Variants in PIK3R6 observed in about 807,000 individuals in gnomAD.
PIK3R6 encodes the protein phosphoinositide 3-kinase regulatory subunit 6.
In PIK3R6, 91 loss-of-function variants were observed where a neutral mutation model predicts 84.9. That is an observed-to-expected ratio of 1.07 (90% CI 0.90 to 1.28). PIK3R6 has a LOEUF of 1.28. Among genes scored for constraint, PIK3R6 ranks in the 50% most tolerant of loss-of-function variants. The pLI is 0.00. For missense variants in PIK3R6, 996 were observed against 985.1 expected (o/e 1.01, Z -0.15); for synonymous variants, 416 against 411.4 (o/e 1.01, Z -0.13).
chr17:8,814,233 T>G lies in PIK3R6; in HGVS notation c.1995+4850A>C, dbSNP rs945647010. On this transcript the variant is annotated intron_variant, in intron 18 of 19. Coordinates refer to ENST00000619866, the MANE Select transcript of PIK3R6 (RefSeq NM_001010855.4). ...GAGAGATCTTTTTTTTTTTTTTTTT[T>G]TTTTGAGACAGAGTCTTACCCTGTT... Among the ~76,000 whole-genome samples, 208 of 146,782 alleles carry G rather than the reference T, an allele frequency of 1.4e-3. 5 individuals are homozygous for G. The highest frequency in any genetic ancestry group is 5.1e-3 in the African/African-American group (198 of 38,532).
rs185435281 is a variant in PIK3R6 at position 8,854,916 on chromosome 17, G to A, written c.-91-5031C>T. Among the ~76,000 whole-genome samples, 803 of 152,272 alleles carry A rather than the reference G, an allele frequency of 5.3e-3. 4 individuals carry two copies. The highest frequency in any genetic ancestry group is 0.021 in the South Asian group (102 of 4,824). ...CTTTAACAAAATGAAAAAACGGGCCGGGCACAGTGGCTCACACCTGTAATC... is the reference window on the plus strand; with the variant it reads ...CTTTAACAAAATGAAAAAACGGGCCAGGCACAGTGGCTCACACCTGTAATC... On this transcript the variant is annotated intron_variant, in intron 1 of 19. Coordinates refer to ENST00000619866, the MANE Select transcript of PIK3R6 (RefSeq NM_001010855.4).
At chr17:8,835,207 A>G in intron 8 of PIK3R6, 66 bp downstream of exon 8, 1 of 1,341,992 alleles carries the variant, frequency 7.5e-7, no homozygotes, top group Non-Finnish European at 9.8e-7. Flanking sequence ...AGCAGGGTGA[A>G]TGACTGGTAT....
At chr17:8,821,978 A>G in intron 16 of PIK3R6, 42 bp from the exon 17 acceptor site, 2 of 1,477,366 alleles carry the variant, frequency 1.4e-6, no homozygotes, top group East Asian at 2.5e-5. Flanking sequence ...TGCTCAGGAC[A>G]TACCCTTTCC....
At chr17:8,838,412 T>C (rs2088556183) in intron 4 of PIK3R6, 152 bp downstream of exon 4, 3 of 609,630 alleles carry the variant, frequency 4.9e-6, no homozygotes, top group Non-Finnish European at 8.6e-6. Context: ...AAATACTGCT[T>C]ACGTAAAAGT....
intron 2 of PIK3R6, among the ~76,000 whole-genome samples, chr17:8,843,774 A>G (rs558198996): frequency 1.3e-5 from 2 of 152,212 alleles, no homozygotes; most frequent in South Asian, 4.2e-4. Flanking sequence ...TGTGACAATC[A>G]TAGGGGGTGG....
chr17:8,849,409 C>G (rs546484754), intron 2 of PIK3R6, among the ~76,000 whole-genome samples: 1 of 152,342 alleles, frequency 6.6e-6, no homozygotes, highest in South Asian at 2.1e-4. Context: ...GTAATAATAC[C>G]TGTCTTAGGA....
At chr17:8,849,971 T>C in intron 1 of PIK3R6, 86 bp from the exon 2 acceptor site, 1 of 713,518 alleles carries the variant, frequency 1.4e-6, no homozygotes, top group South Asian at 2.4e-5. Flanking sequence ...CTAAGGGACC[T>C]AGGCTTCTAG....
In PIK3R6 at chr17:8,864,512, C is replaced by T. The variant is rs573208099; in HGVS notation, c.-92+3017G>A. 6.0e-5 allele frequency among the ~76,000 whole-genome samples: 9 copies of T among 150,048 alleles called. No individual in the cohort carries two copies. In the East Asian group the frequency reaches 1.8e-3, roughly 29 times the overall value. ...CTAACAGATCCTTCTAACTTATAAC[C>T]CAGGTCCTTCACAGCTCTTTTTTTT... is the stretch of plus-strand genomic sequence containing the variant. On this transcript the variant is annotated intron_variant, in intron 1 of 19. Coordinates refer to ENST00000619866, the MANE Select transcript of PIK3R6 (RefSeq NM_001010855.4).
chr17:8,827,983 G>T, intron 12 of PIK3R6, 129 bp downstream of exon 12: 1 of 943,700 alleles, frequency 1.1e-6, no homozygotes, highest in Non-Finnish European at 1.6e-6. Context: ...CCTCTCTCCC[G>T]CCTCCACATT....
chr17:8,803,017 T>G lies in PIK3R6; in HGVS notation c.*256A>C. The G allele has an allele frequency of 2.1e-6, 1 of 478,740 alleles. No homozygotes were observed. Among genetic ancestry groups the G allele is most frequent in the Non-Finnish European group, 3.7e-6 (1 of 267,756 alleles). The allele number at this position is 478,740 out of a possible 1,614,324, so 29.7% of individuals were successfully genotyped here. Reference sequence around the variant, plus strand: ...TTGAAGCTAAATGAAGGAGTAGACATTTGTATGAGAAGCTGGGCTTGGTGT... The same window carrying G: ...TTGAAGCTAAATGAAGGAGTAGACAGTTGTATGAGAAGCTGGGCTTGGTGT... On this transcript the variant is annotated 3_prime_UTR_variant, in exon 20 of 20. Coordinates refer to ENST00000619866, the MANE Select transcript of PIK3R6 (RefSeq NM_001010855.4). This position sits in a 1 kb window ranked among gnomAD's most constrained non-coding sequence, Gnocchi z 5.0.
chr17:8,836,950 GAGAGGGAGGAGGTGGAGGTA>G (rs752588182), intron 5 of PIK3R6, 27 bp from the exon 6 acceptor site: 12 of 1,485,728 alleles, frequency 8.1e-6, no homozygotes, highest in African/African-American at 2.8e-5. Flanking sequence ...AGGGGGAGGT[GAGAGGGAGGAGGTGGAGGTA>G]AGAGGGAGGA....
In PIK3R6 at chr17:8,833,019, G is replaced by C; in HGVS notation, c.672C>G (p.His224Gln). The C allele has an allele frequency of 1.9e-6, 3 of 1,605,910 alleles. No homozygotes were observed. Among genetic ancestry groups the C allele is most frequent in the Non-Finnish European group, 1.7e-6 (2 of 1,177,986 alleles). Residue 224 changes from histidine to glutamine, a missense_variant, in exon 9 of 20, where the codon CAC (histidine) becomes CAG (glutamine). Transcript: ENST00000619866. ...AGGCGGCCACCACGGCGTGGAAATAGTGCTCCAGGGTGCGGCGAGGGCTGG... is the reference window on the plus strand; with the variant it reads ...AGGCGGCCACCACGGCGTGGAAATACTGCTCCAGGGTGCGGCGAGGGCTGG... ...LQASPRRTLEHYFHAVVAALE... is the reference protein window; with the variant it reads ...LQASPRRTLEQYFHAVVAALE...
At chr17:8,833,184 G>T in intron 8 of PIK3R6, 139 bp from the exon 9 acceptor site, 1 of 1,249,980 alleles carries the variant, frequency 8.0e-7, no homozygotes, top group Non-Finnish European at 1.1e-6. Flanking sequence ...AGCTTCCCCC[G>T]AAGGCTTCTG....
chr17:8,834,845 T>G (rs1388587122), intron 8 of PIK3R6, among the ~76,000 whole-genome samples: 1 of 104,842 alleles, frequency 9.5e-6, no homozygotes. Context: ...TTATTATTGG[T>G]TTTTTTTTTG....
At chr17:8,827,345 C>T in intron 12 of PIK3R6, 51 bp from the exon 13 acceptor site, 1 of 1,533,760 alleles carries the variant, frequency 6.5e-7, no homozygotes, top group Non-Finnish European at 8.8e-7. Flanking sequence ...TCCAGCTCTG[C>T]CTTCCAGCTG....
intron 7 of PIK3R6, among the ~76,000 whole-genome samples, chr17:8,836,259 C>G (rs554628724): frequency 6.6e-6 from 1 of 152,268 alleles, no homozygotes; most frequent in South Asian, 2.1e-4. Context: ...ATGACAGAGC[C>G]CCAGAGTGGC....
intron 10 of PIK3R6, 85 bp downstream of exon 10, chr17:8,829,621 T>C (rs1006093902): frequency 4.6e-6 from 6 of 1,317,348 alleles, no homozygotes; most frequent in South Asian, 2.6e-5. Flanking sequence ...GACACACGCA[T>C]GCACACTGAC....
intron 4 of PIK3R6, chr17:8,838,264 G>A (rs1369305796): frequency 1.4e-5 from 6 of 441,104 alleles, no homozygotes; most frequent in Non-Finnish European, 2.1e-5. Context: ...TTTGAGAAAC[G>A]TCAATAGTCG....
intron 18 of PIK3R6, among the ~76,000 whole-genome samples, chr17:8,805,745 A>T (rs1188444313): frequency 6.6e-6 from 1 of 152,042 alleles, no homozygotes; most frequent in Non-Finnish European, 1.5e-5. Context: ...GTGAAACCCC[A>T]TCTCTACCAA....
Sources: gnomAD v4.1 joint callset for allele counts (sites outside exome capture counted in the v4.1 genomes callset) on GRCh38, gnomAD v4.1.1 for gene constraint, Gnocchi (gnomAD v3.1) non-coding constraint, MANE v1.5 for transcripts, NCBI Gene and HGNC (gene_info 2026-07-23, HGNC 2026-07-21) for gene names.